Variants in ABCG1 observed in about 807,000 individuals in gnomAD.
ABCG1 encodes the protein ATP binding cassette subfamily G member 1.
Under a neutral mutation model 69.2 loss-of-function variants are expected in ABCG1, and 29 were observed. The ratio of observed to expected loss-of-function variants is 0.42; its 90% confidence interval spans 0.31 to 0.57. ABCG1 has a LOEUF of 0.57. Ranked by LOEUF, ABCG1 falls within the 20% of genes least tolerant of loss-of-function variation. The pLI, the probability that ABCG1 is intolerant of heterozygous loss-of-function variation, is 0.15. For missense variants in ABCG1, 718 were observed against 898.1 expected (o/e 0.80, Z 2.56); for synonymous variants, 370 against 374.8 (o/e 0.99, Z 0.15).
chr21:42,277,715 C>G (rs1601432003), intron 5 of ABCG1, among the ~76,000 whole-genome samples: 4 of 152,374 alleles, frequency 2.6e-5, no homozygotes, highest in African/African-American at 9.6e-5. Context: ...TAAAGGCTCA[C>G]AGTCTGGCAG....
chr21:42,287,062 C>T lies in ABCG1; in HGVS notation c.974-827C>T, dbSNP rs539674197. Among the ~76,000 whole-genome samples the T allele has an allele frequency of 7.9e-5, 12 of 152,138 alleles. No individual in the cohort carries two copies. The South Asian group carries it at 8.3e-4, about 11-fold the overall frequency. Reference sequence around the variant, plus strand: ...TAGCTGGCTCTGCCAGAGGGAAGTGCGGAAAAGGTAAGGGTGTTGGGGAGC... The same window carrying T: ...TAGCTGGCTCTGCCAGAGGGAAGTGTGGAAAAGGTAAGGGTGTTGGGGAGC... On this transcript the variant is annotated intron_variant, in intron 8 of 14. Transcript: ENST00000398449. This position sits in a 1 kb window ranked among gnomAD's most constrained non-coding sequence, Gnocchi z 6.2.
At chr21:42,260,193 G>T in intron 2 of ABCG1, 2 of 1,549,660 alleles carry the variant, frequency 1.3e-6, no homozygotes, top group African/African-American at 2.7e-5. Flanking sequence ...GGCCCTAAAG[G>T]CATTCAGAGT....
At position 42,282,868 on chromosome 21, in the gene ABCG1, C is replaced by T. The variant is rs563717724; in HGVS notation, c.734+449C>T. On this transcript the variant is annotated intron_variant, in intron 6 of 14. Transcript: ENST00000398449. ...GTTGCTCACCAGCTCTCTATACCCACGGGCGCTCTGACCCCGCCTGCAGGA... is the reference window on the plus strand; with the variant it reads ...GTTGCTCACCAGCTCTCTATACCCATGGGCGCTCTGACCCCGCCTGCAGGA... Among the ~76,000 whole-genome samples the T allele has an allele frequency of 1.1e-4, 17 of 151,928 alleles. No homozygotes were observed. The East Asian group carries it at 1.6e-3, about 14-fold the overall frequency.
chr21:42,205,990 G>A (rs1460635774), intron 2 of ABCG1, among the ~76,000 whole-genome samples: 1 of 151,992 alleles, frequency 6.6e-6, no homozygotes, highest in Non-Finnish European at 1.5e-5. Flanking sequence ...TATGTTGTTT[G>A]GATTCTAACT....
chr21:42,234,251 G>A (rs1344834489), intron 2 of ABCG1, among the ~76,000 whole-genome samples: 1 of 152,142 alleles, frequency 6.6e-6, no homozygotes, highest in East Asian at 1.9e-4. Context: ...AACACCTGGA[G>A]TCCCAACTCC....
intron 2 of ABCG1, among the ~76,000 whole-genome samples, chr21:42,202,851 G>T (rs1295949058): frequency 6.6e-6 from 1 of 152,096 alleles, no homozygotes; most frequent in Non-Finnish European, 1.5e-5. Flanking sequence ...GGGCTCAAGC[G>T]ATCCTCTGGC....
rs1489245183 is a variant in ABCG1 at position 42,276,251 on chromosome 21, A to T, written c.538-644A>T. ...GTTAGCAAACGGGATCTCAAAAAACACAACAACAACAAAACGCGGCATCCT... is the reference window on the plus strand; with the variant it reads ...GTTAGCAAACGGGATCTCAAAAAACTCAACAACAACAAAACGCGGCATCCT... On this transcript the variant is annotated intron_variant, in intron 4 of 14. Coordinates refer to ENST00000398449, the MANE Select transcript of ABCG1 (RefSeq NM_016818.3). The surrounding 1 kb of genome is among the most constrained non-coding windows in gnomAD (Gnocchi z 5.3). The T allele has an allele frequency of 6.6e-6, 1 of 152,342 alleles. No homozygotes were observed. Among genetic ancestry groups the T allele is most frequent in the African/African-American group, 2.4e-5 (1 of 41,446 alleles). 9.4% of individuals were successfully genotyped at this position (152,342 alleles called of 1,614,324 possible).
upstream of ABCG1, among the ~76,000 whole-genome samples, chr21:42,218,940 G>A (rs184756729): frequency 6.6e-6 from 1 of 152,160 alleles, no homozygotes; most frequent in African/African-American, 2.4e-5. Flanking sequence ...GGTGGCAGGG[G>A]GTTCCCATGC....
chr21:42,269,647 G>A lies in ABCG1; in HGVS notation c.287-1423G>A, dbSNP rs368783689. ...GTCCCAAGCTTCCTGACTGGCTTCCGCAGCTCTCTGACTCCCCTAAACAAG... is the reference window on the plus strand; with the variant it reads ...GTCCCAAGCTTCCTGACTGGCTTCCACAGCTCTCTGACTCCCCTAAACAAG... On this transcript the variant is annotated intron_variant, in intron 2 of 14. Coordinates refer to ENST00000398449, the MANE Select transcript of ABCG1 (RefSeq NM_016818.3). Among the ~76,000 whole-genome samples the A allele has an allele frequency of 1.4e-4, 21 of 152,262 alleles. No individual in the cohort carries two copies. The East Asian group carries it at 1.9e-3, about 14-fold the overall frequency.
At chr21:42,280,547 T>C (rs897897545) in intron 5 of ABCG1, among the ~76,000 whole-genome samples, 3 of 152,164 alleles carry the variant, frequency 2.0e-5, no homozygotes, top group Non-Finnish European at 4.4e-5. Context: ...AATGTATAAA[T>C]AACTGAGATC....
At chr21:42,256,754 C>T (rs1048763692) in intron 2 of ABCG1, 13 of 1,330,852 alleles carry the variant, frequency 9.8e-6, no homozygotes, top group South Asian at 1.9e-5. Flanking sequence ...GAAATGATCA[C>T]GAGCTTAAGG....
rs551675375 is a variant in ABCG1 at position 42,219,406 on chromosome 21, G to T, written c.42+102G>T. 849 of 1,477,124 alleles carry T rather than the reference G, an allele frequency of 5.7e-4. 7 individuals carry two copies. The Admixed American group carries it at 0.017, about 30-fold the overall frequency. The allele number at this position is 1,477,124 out of a possible 1,614,324, so 91.5% of individuals were successfully genotyped here. ...GCTCGACCTGACACCCCTCCCAGGAGCGCGTCCTCTGGGCGCTGACCCAGG... is the reference window on the plus strand; with the variant it reads ...GCTCGACCTGACACCCCTCCCAGGATCGCGTCCTCTGGGCGCTGACCCAGG... On this transcript the variant is annotated intron_variant, in intron 1 of 14. Transcript: ENST00000398449. The surrounding 1 kb of genome is among the most constrained non-coding windows in gnomAD (Gnocchi z 5.3).
chr21:42,208,338 GGC>G (rs2067560025), intron 2 of ABCG1, among the ~76,000 whole-genome samples: 2 of 151,920 alleles, frequency 1.3e-5, no homozygotes, highest in African/African-American at 4.8e-5. Context: ...ACCACAGTGT[GGC>G]TCTTTGGGTC....
At position 42,296,584 on chromosome 21, in the gene ABCG1, C is replaced by G; in HGVS notation, c.*192C>G. On this transcript the variant is annotated 3_prime_UTR_variant, in exon 15 of 15. Coordinates refer to ENST00000398449, the MANE Select transcript of ABCG1 (RefSeq NM_016818.3). The surrounding 1 kb of genome is among the most constrained non-coding windows in gnomAD (Gnocchi z 5.4). ...CTGGGTTGGATCTTCTCTCCATTCC[C>G]CTTTCTAGCTTTAACTAGGAAGATG... 2 of 587,804 alleles carry G rather than the reference C, an allele frequency of 3.4e-6. No individual in the cohort carries two copies. The highest frequency in any genetic ancestry group is 2.8e-5 in the East Asian group (1 of 35,536). The allele number at this position is 587,804 out of a possible 1,614,324, so 36.4% of individuals were successfully genotyped here. A position where few individuals can be genotyped will look rare whatever the true frequency, so the allele number is the denominator to read the frequency against.
intron 2 of ABCG1, among the ~76,000 whole-genome samples, chr21:42,241,604 CAA>C (rs11330761): frequency 9.7e-4 from 127 of 130,578 alleles, no homozygotes; most frequent in Non-Finnish European, 1.5e-3. Flanking sequence ...GACCCTGTCT[CAA>C]AAAAAAAAAA....
chr21:42,203,761 A>T (rs1258215181), intron 2 of ABCG1, among the ~76,000 whole-genome samples: 1 of 152,200 alleles, frequency 6.6e-6, no homozygotes, highest in Non-Finnish European at 1.5e-5. Context: ...TAAATTTTAG[A>T]CTACTCTTGT....
chr21:42,210,952 C>G (rs898293636), intron 2 of ABCG1, among the ~76,000 whole-genome samples: 1 of 149,688 alleles, frequency 6.7e-6, no homozygotes, highest in African/African-American at 2.5e-5. Flanking sequence ...ATTCTCATTT[C>G]TTTCTTCTTT....
At chr21:42,265,757 G>A (rs772701558) in intron 2 of ABCG1, among the ~76,000 whole-genome samples, 6 of 152,154 alleles carry the variant, frequency 3.9e-5, no homozygotes, top group South Asian at 2.1e-4. Flanking sequence ...CCACTACACC[G>A]GACTGCGAGC....
intron 2 of ABCG1, among the ~76,000 whole-genome samples, chr21:42,236,261 A>C (rs1705281164): frequency 6.6e-6 from 1 of 152,258 alleles, no homozygotes; most frequent in South Asian, 2.1e-4. Flanking sequence ...TACCCTAGGC[A>C]GGTTAGAGGC....
Sources: allele counts gnomAD v4.1 joint callset (sites outside exome capture counted in the v4.1 genomes callset), GRCh38; gene constraint gnomAD v4.1.1; non-coding constraint Gnocchi (gnomAD v3.1); transcripts MANE v1.5; gene names NCBI Gene and HGNC (gene_info 2026-07-23, HGNC 2026-07-21).